Variants in SPATA6 observed in about 807,000 individuals in gnomAD.
SPATA6 encodes the protein spermatogenesis associated 6, also known as spermatogenesis-associated protein 6.
SPATA6 carries 56 observed loss-of-function variants against 65.3 expected under a neutral mutation model. The ratio of observed to expected loss-of-function variants is 0.86; its 90% confidence interval spans 0.69 to 1.07. The LOEUF is 1.07. Among genes scored for constraint, SPATA6 ranks in the 50% least tolerant of loss-of-function variants. SPATA6 has a pLI of 0.00. For synonymous variants in SPATA6, 199 were observed against 213.2 expected (o/e 0.93, Z 0.58); for missense variants, 590 against 594.8 (o/e 0.99, Z 0.08).
rs1356502900 is a variant in SPATA6 at position 48,396,706 on chromosome 1, C to T, written c.781-1352G>A. On this transcript the variant is annotated intron_variant, in intron 7 of 12. Coordinates refer to ENST00000371847, the MANE Select transcript of SPATA6 (RefSeq NM_019073.4). ...GTATAATCACACTTAATATGAGGTA[C>T]CAAGAGTAGTCAAATTCATAGAAAT... Among the ~76,000 whole-genome samples, 2 of 151,206 alleles carry T rather than the reference C, an allele frequency of 1.3e-5. 1 individual carries two copies. Among genetic ancestry groups the T allele is most frequent in the Non-Finnish European group, 3.0e-5 (2 of 67,610 alleles).
downstream of SPATA6, among the ~76,000 whole-genome samples, chr1:48,294,489 A>T (rs565441576): frequency 2.5e-4 from 38 of 152,302 alleles, no homozygotes; most frequent in African/African-American, 8.9e-4. Context: ...GGTGCCTATT[A>T]TGGTCACATA....
chr1:48,281,355 A>G, the SPATA6 span, among the ~76,000 whole-genome samples: 19 of 151,884 alleles, frequency 1.3e-4, no homozygotes, highest in African/African-American at 4.3e-4. Context: ...AGGAGAAGGA[A>G]ATAAAGGGTA....
At chr1:48,341,957 A>C (rs990568433) in intron 11 of SPATA6, among the ~76,000 whole-genome samples, 3 of 152,212 alleles carry the variant, frequency 2.0e-5, no homozygotes, top group African/African-American at 7.2e-5. Context: ...ACTACTGTGT[A>C]CATGTTCACC....
chr1:48,347,470 A>AAT (rs960691664), intron 11 of SPATA6, among the ~76,000 whole-genome samples: 35 of 146,466 alleles, frequency 2.4e-4, no homozygotes, highest in East Asian at 1.6e-3. Flanking sequence ...TATATAATAT[A>AAT]ATATATATAT....
intron 5 of SPATA6, among the ~76,000 whole-genome samples, chr1:48,411,172 T>A (rs1006088063): frequency 1.3e-5 from 2 of 152,170 alleles, no homozygotes; most frequent in Non-Finnish European, 2.9e-5. Flanking sequence ...AATTACAATT[T>A]AAAAAATTTT....
At chr1:48,306,535 G>A (rs1450962183) in intron 11 of SPATA6, among the ~76,000 whole-genome samples, 1 of 151,994 alleles carries the variant, frequency 6.6e-6, no homozygotes, top group African/African-American at 2.4e-5. Flanking sequence ...ATTCATATGT[G>A]TGGTAATGGT....
intron 3 of SPATA6, among the ~76,000 whole-genome samples, chr1:48,442,787 C>A (rs1177093720): frequency 1.4e-5 from 2 of 139,826 alleles, no homozygotes; most frequent in Non-Finnish European, 3.1e-5. Flanking sequence ...AAATTTAAAA[C>A]CTATAATGAT....
rs543183179 is a variant in SPATA6, at chr1:48,437,908, A to C, written c.238+13644T>G. ...ATATACTGAATTGAGAAAAAAAAAA[A>C]AACACACCAATCAGCGCTCTGTGTC... On this transcript the variant is annotated intron_variant, in intron 3 of 12. Transcript: ENST00000371847. Among the ~76,000 whole-genome samples the C allele has an allele frequency of 7.2e-5, 11 of 151,962 alleles. No individual in the cohort carries two copies. The East Asian group carries it at 1.2e-3, about 16-fold the overall frequency.
intron 11 of SPATA6, among the ~76,000 whole-genome samples, chr1:48,347,428 T>A (rs1438726849): frequency 6.8e-6 from 1 of 147,628 alleles, no homozygotes; most frequent in East Asian, 1.9e-4. Context: ...GCATTATATA[T>A]ACACATATAA....
In SPATA6 at chr1:48,359,488, C is replaced by A. The variant is rs529651836; in HGVS notation, c.1094+98G>T. 131 of 1,358,968 alleles carry A rather than the reference C, an allele frequency of 9.6e-5. No homozygotes were observed. In the Middle Eastern group the frequency reaches 1.4e-3, roughly 14 times the overall value. The allele number at this position is 1,358,968 out of a possible 1,614,324, so 84.2% of individuals were successfully genotyped here. On this transcript the variant is annotated intron_variant, in intron 10 of 12. Coordinates refer to ENST00000371847, the MANE Select transcript of SPATA6 (RefSeq NM_019073.4). ...TTAAGCCTTTTAAAATCAAATTACA[C>A]TTTTATAAACATTCATTTCACATGC...
intron 4 of SPATA6, among the ~76,000 whole-genome samples, chr1:48,412,874 C>T (rs1017368699): frequency 3.9e-5 from 6 of 152,046 alleles, no homozygotes; most frequent in East Asian, 1.9e-4. Context: ...CTGCCTCAGC[C>T]TCCCAAAGTG....
chr1:48,305,018 T>C (rs2148652095), intron 12 of SPATA6, among the ~76,000 whole-genome samples: 1 of 152,296 alleles, frequency 6.6e-6, no homozygotes, highest in South Asian at 2.1e-4. Flanking sequence ...GCTTCTTGCT[T>C]GGGAGGCAAT....
intron 9 of SPATA6, among the ~76,000 whole-genome samples, chr1:48,364,861 G>A (rs1177166580): frequency 1.3e-5 from 2 of 152,174 alleles, no homozygotes; most frequent in Non-Finnish European, 2.9e-5. Context: ...TTTTAGACAT[G>A]AAGTCCTTGC....
the SPATA6 span, among the ~76,000 whole-genome samples, chr1:48,268,931 T>C: frequency 6.6e-6 from 1 of 152,194 alleles, no homozygotes. Context: ...TTTTACCTCA[T>C]GCAGTCTTCA....
chr1:48,279,192 G>T, the SPATA6 span, among the ~76,000 whole-genome samples: 1 of 152,256 alleles, frequency 6.6e-6, no homozygotes, highest in East Asian at 1.9e-4. Context: ...CATTAAACAT[G>T]GAAAGGAACA....
chr1:48,283,811 T>C, the SPATA6 span, among the ~76,000 whole-genome samples: 3 of 152,280 alleles, frequency 2.0e-5, no homozygotes, highest in African/African-American at 4.8e-5. Flanking sequence ...GTTATTCTGA[T>C]GGGCTTCCCT....
chr1:48,402,290 G>GT (rs1651237437), intron 6 of SPATA6, among the ~76,000 whole-genome samples: 1 of 151,946 alleles, frequency 6.6e-6, no homozygotes, highest in Non-Finnish European at 1.5e-5. Flanking sequence ...CCCTGAGAAT[G>GT]TATGTACTTT....
chr1:48,414,105 T>G (rs1570496114), intron 3 of SPATA6, among the ~76,000 whole-genome samples: 1 of 152,158 alleles, frequency 6.6e-6, no homozygotes. Context: ...TAGTGAAACT[T>G]TGTGTGGGTC....
chr1:48,471,858 G>T, intron 1 of SPATA6, 100 bp downstream of exon 1: 1 of 1,375,030 alleles, frequency 7.3e-7, no homozygotes, highest in Non-Finnish European at 1.0e-6. Context: ...GGGATGATTC[G>T]GAGGGTGAAG....
Sources: gnomAD v4.1 joint callset for allele counts (sites outside exome capture counted in the v4.1 genomes callset) on GRCh38, gnomAD v4.1.1 for gene constraint, MANE v1.5 for transcripts, NCBI Gene and HGNC (gene_info 2026-07-23, HGNC 2026-07-21) for gene names.